ATRN: variants seen among roughly 807,000 people sequenced by gnomAD.
The protein encoded by ATRN is attractin.
In ATRN, 54 loss-of-function variants were observed where a neutral mutation model predicts 178.7. That is an observed-to-expected ratio of 0.30 (90% CI 0.24 to 0.38). The LOEUF (loss-of-function observed/expected upper bound fraction) is 0.38. Ranked by LOEUF, ATRN falls within the 10% of genes least tolerant of loss-of-function variation. ATRN has a pLI of 1.00. For missense variants in ATRN, 1,443 were observed against 1,815.1 expected, an observed-to-expected ratio of 0.79 and a Z score of 3.73; for synonymous variants, 636 against 663.0, an observed-to-expected ratio of 0.96 and a Z score of 0.63.
At chr20:3,522,965 C>T (rs186408075) in intron 1 of ATRN, among the ~76,000 whole-genome samples, 46 of 152,122 alleles carry the variant, frequency 3.0e-4, no homozygotes, top group African/African-American at 7.7e-4. Flanking sequence ...GAAAAACCAG[C>T]GCAAAAAGGC....
At chr20:3,542,064 A>G (rs999405850) in intron 3 of ATRN, among the ~76,000 whole-genome samples, 6 of 152,208 alleles carry the variant, frequency 3.9e-5, no homozygotes, top group Non-Finnish European at 8.8e-5. Flanking sequence ...CTGTGTTTAG[A>G]GGTTCACTTA....
chr20:3,602,200 C>T (rs1255956691), intron 23 of ATRN, among the ~76,000 whole-genome samples: 2 of 151,868 alleles, frequency 1.3e-5, no homozygotes, highest in African/African-American at 2.4e-5. Context: ...CGTGGAGGCA[C>T]GTGCCTGTAA....
rs1238224967 is a variant in ATRN, at chr20:3,647,712, T to A, written c.*865T>A. On this transcript the variant is annotated 3_prime_UTR_variant, in exon 29 of 29. Coordinates refer to ENST00000262919, the MANE Select transcript of ATRN (RefSeq NM_139321.3). Reference sequence around the variant, plus strand: ...TTTTTACATAATTGCATTCCTACATTCTTGTAAAATTTAAATAGCTACCAT... The same window carrying A: ...TTTTTACATAATTGCATTCCTACATACTTGTAAAATTTAAATAGCTACCAT... The A allele has an allele frequency of 3.4e-4, 52 of 152,160 alleles. 1 individual carries two copies. Among genetic ancestry groups the A allele is most frequent in the Admixed American group, 3.4e-3 (52 of 15,276 alleles). The allele number at this position is 152,160 out of a possible 1,614,324, so 9.4% of individuals were successfully genotyped here.
At chr20:3,504,381 A>C (rs75203092) in intron 1 of ATRN, among the ~76,000 whole-genome samples, 10,617 of 151,930 alleles carry the variant, frequency 0.07, 454 homozygotes, top group African/African-American at 0.11. Flanking sequence ...TACATAAAAT[A>C]ATAGACTGTC....
chr20:3,569,492 A>T (rs867583266), intron 11 of ATRN, among the ~76,000 whole-genome samples: 1 of 152,250 alleles, frequency 6.6e-6, no homozygotes, highest in Non-Finnish European at 1.5e-5. Flanking sequence ...GAGAGGGAGC[A>T]TACAGGACTG....
intron 8 of ATRN, 106 bp from the exon 9 acceptor site, chr20:3,562,170 A>C: frequency 1.1e-6 from 1 of 916,798 alleles, no homozygotes; most frequent in Non-Finnish European, 1.7e-6. Context: ...AAGTATATGT[A>C]TCAGGTCTCC....
rs751459326 is a variant in ATRN, at chr20:3,547,395, C to T, written c.849C>T (p.Asp283=). 3 of 1,613,976 alleles carry T rather than the reference C, an allele frequency of 1.9e-6. No homozygotes were observed. The highest frequency in any genetic ancestry group is 1.1e-5 in the South Asian group (1 of 91,076). Residue 283 remains aspartate, a synonymous_variant, in exon 5 of 29, where the codon GAC becomes GAT. Coordinates refer to ENST00000262919, the MANE Select transcript of ATRN (RefSeq NM_139321.3). The part of the protein sequence containing the change: ...CSENWKGEAC[D]IPHCTDNCGF... Reference sequence around the variant, plus strand: ...AAAACTGGAAAGGTGAAGCATGTGACATTCCTCACTGTACAGACAACTGTG... The same window carrying T: ...AAAACTGGAAAGGTGAAGCATGTGATATTCCTCACTGTACAGACAACTGTG...
chr20:3,489,722 C>T (rs945965993), intron 1 of ATRN: 32 of 1,576,164 alleles, frequency 2.0e-5, no homozygotes, highest in Non-Finnish European at 2.5e-5. Flanking sequence ...TTGGGATGCC[C>T]AAACACCTCA....
At chr20:3,596,676 A>G (rs1483143116) in intron 21 of ATRN, among the ~76,000 whole-genome samples, 2 of 151,346 alleles carry the variant, frequency 1.3e-5, no homozygotes, top group Non-Finnish European at 2.9e-5. Context: ...GTAGAGAGGC[A>G]TGCATCTTTG....
chr20:3,471,583 C>T (rs1377279774), intron 1 of ATRN, 66 bp downstream of exon 1: 5 of 1,359,426 alleles, frequency 3.7e-6, no homozygotes, highest in African/African-American at 3.1e-5. Flanking sequence ...GCGTTCGAGA[C>T]GGCTCCAGGT....
At chr20:3,573,476 A>G (rs1263213664) in intron 12 of ATRN, among the ~76,000 whole-genome samples, 2 of 152,232 alleles carry the variant, frequency 1.3e-5, no homozygotes, top group African/African-American at 4.8e-5. Context: ...GAGTCAGCCC[A>G]GAAAAGCCAT....
chr20:3,575,163 C>T (rs2043199059), intron 12 of ATRN, among the ~76,000 whole-genome samples: 1 of 152,178 alleles, frequency 6.6e-6, no homozygotes, highest in African/African-American at 2.4e-5. Context: ...GGGGTTTCAC[C>T]ATGTTGACCA....
At chr20:3,622,016 A>G (rs1208891156) in intron 24 of ATRN, among the ~76,000 whole-genome samples, 1 of 152,216 alleles carries the variant, frequency 6.6e-6, no homozygotes, top group Non-Finnish European at 1.5e-5. Context: ...GGATAAGGGG[A>G]AGTCTCTGTC....
In ATRN at chr20:3,471,274, C is replaced by G. The variant is rs770633802; in HGVS notation, c.167C>G (p.Pro56Arg). 2 of 1,462,060 alleles carry G rather than the reference C, an allele frequency of 1.4e-6. No individual in the cohort carries two copies. Among genetic ancestry groups the G allele is most frequent in the South Asian group, 2.7e-5 (2 of 73,888 alleles). 90.6% of individuals were successfully genotyped at this position (1,462,060 alleles called of 1,614,324 possible). A position where few individuals can be genotyped will look rare whatever the true frequency, so the allele number is the denominator to read the frequency against. The stretch of plus-strand genomic sequence containing the variant: ...CGCCTCCCGCGGCTGCTGTCTCCAC[C>G]GCTGCGGCCACGGCTGCTGCTGCTG... ...GLRLPRLLSP[P>R]LRPRLLLLLL... The change falls in exon 1 of 29, where the codon CCG becomes CGG. Residue 56 changes from proline (P) to arginine (R), a missense_variant. By Grantham distance (103) the Pro-to-Arg change is moderately radical. Coordinates refer to ENST00000262919, the MANE Select transcript of ATRN (RefSeq NM_139321.3).
intron 1 of ATRN, among the ~76,000 whole-genome samples, chr20:3,507,610 G>A (rs2085064111): frequency 6.6e-6 from 1 of 151,574 alleles, no homozygotes. Flanking sequence ...TGCCAATTCA[G>A]GAAATGCAAC....
chr20:3,587,678 C>T (rs1484707150), intron 18 of ATRN, among the ~76,000 whole-genome samples: 1 of 152,072 alleles, frequency 6.6e-6, no homozygotes, highest in African/African-American at 2.4e-5. Flanking sequence ...CACCTTTGTT[C>T]TTATTTTGCA....
chr20:3,482,343 T>G (rs2084633788), intron 1 of ATRN, among the ~76,000 whole-genome samples: 1 of 152,166 alleles, frequency 6.6e-6, no homozygotes, highest in Admixed American at 6.5e-5. Flanking sequence ...CTGTGTTTTG[T>G]GCTATTAAAA....
At chr20:3,555,186 G>T (rs1243180390) in intron 6 of ATRN, among the ~76,000 whole-genome samples, 1 of 151,598 alleles carries the variant, frequency 6.6e-6, no homozygotes, top group Non-Finnish European at 1.5e-5. Flanking sequence ...TATTTTTTTA[G>T]TAGAGACGGG....
intron 28 of ATRN, among the ~76,000 whole-genome samples, chr20:3,644,914 C>A (rs2087096683): frequency 6.6e-6 from 1 of 152,158 alleles, no homozygotes; most frequent in Non-Finnish European, 1.5e-5. Context: ...TTGTATAGAT[C>A]TAATTTTTAT....
Sources: allele counts gnomAD v4.1 joint callset (sites outside exome capture counted in the v4.1 genomes callset), GRCh38; gene constraint gnomAD v4.1.1; transcripts MANE v1.5; gene names NCBI Gene and HGNC (gene_info 2026-07-23, HGNC 2026-07-21).